Variants in SLC1A3 observed in about 807,000 individuals in gnomAD.
SLC1A3 encodes the protein solute carrier family 1 member 3, also known as excitatory amino acid transporter 1.
Under a neutral mutation model 48.1 loss-of-function variants are expected in SLC1A3, and 21 were observed. That is an observed-to-expected ratio of 0.44 (90% CI 0.31 to 0.63). The LOEUF is 0.63. SLC1A3 is among the 20% of genes least tolerant of loss of function. SLC1A3 has a pLI of 0.08. For synonymous variants in SLC1A3, 239 were observed against 251.4 expected (o/e 0.95, Z 0.47); for missense variants, 546 against 689.0 (o/e 0.79, Z 2.32).
At chr5:36,629,824 G>A (rs1029411591) in intron 3 of SLC1A3, 17 of 509,360 alleles carry the variant, frequency 3.3e-5, no homozygotes, top group South Asian at 1.6e-4. Flanking sequence ...AATCTGGTTC[G>A]CCTCACAGTG....
chr5:36,648,211 T>G (rs1296050467), intron 3 of SLC1A3, among the ~76,000 whole-genome samples: 1 of 152,078 alleles, frequency 6.6e-6, no homozygotes, highest in Non-Finnish European at 1.5e-5. Context: ...GAAAGAAAAA[T>G]TTTTAAAGAT....
upstream of SLC1A3, chr5:36,606,457 CTGCTTCTG>C (rs1301061452): frequency 1.3e-5 from 2 of 152,256 alleles, no homozygotes; most frequent in Non-Finnish European, 2.9e-5. Context: ...GCCAGCAAGC[CTGCTTCTG>C]GTGTGCCAAG....
chr5:36,653,241 A>G (rs888571734), intron 3 of SLC1A3, among the ~76,000 whole-genome samples: 3 of 152,260 alleles, frequency 2.0e-5, no homozygotes, highest in Admixed American at 6.5e-5. Context: ...GAAATGGTTC[A>G]TAACAGAATT....
At chr5:36,662,907 G>C (rs1280744057) in intron 3 of SLC1A3, among the ~76,000 whole-genome samples, 1 of 152,204 alleles carries the variant, frequency 6.6e-6, no homozygotes, top group Non-Finnish European at 1.5e-5. Flanking sequence ...ACCCGGGAGA[G>C]GCAGTCTCCA....
At chr5:36,646,683 T>TA (rs1289505729) in intron 3 of SLC1A3, among the ~76,000 whole-genome samples, 6 of 152,130 alleles carry the variant, frequency 3.9e-5, no homozygotes, top group African/African-American at 1.4e-4. Flanking sequence ...TTCATGTCTA[T>TA]AACAATAATT....
upstream of SLC1A3, among the ~76,000 whole-genome samples, chr5:36,605,432 C>T (rs1441694717): frequency 3.3e-5 from 5 of 152,118 alleles, no homozygotes. Flanking sequence ...ACATGATTCA[C>T]CATTGCTTTC....
rs752164781 is a variant in SLC1A3, at chr5:36,679,868, T to A, written c.1094+8T>A. 1 of 1,593,200 alleles carries A rather than the reference T, an allele frequency of 6.3e-7. No individual in the cohort carries two copies. The highest frequency in any genetic ancestry group is 8.6e-7 in the Non-Finnish European group (1 of 1,161,056). The stretch of plus-strand genomic sequence containing the variant: ...TCTGGGGACCTCTTCAAGGTATGTA[T>A]GTATGTGTGGAAAATGAGTCTGAAA... On this transcript the variant is annotated splice_region_variant and intron_variant, in intron 7 of 9. Transcript: ENST00000265113.
Position 36,612,795 on chromosome 5 carries a change from G to C in SLC1A3, c.181+4191G>C, listed in dbSNP as rs549948326. The C allele has an allele frequency of 5.0e-4, 230 of 456,174 alleles. 4 individuals carry two copies. Among genetic ancestry groups the C allele is most frequent in the South Asian group, 3.5e-3 (229 of 64,550 alleles). The allele number at this position is 456,174 out of a possible 1,614,324, so 28.3% of individuals were successfully genotyped here. ...TTACCACACAGCTGATGAATACTGAGTGGGATTCAAATCCACCATTCCGGC... is the reference window on the plus strand; with the variant it reads ...TTACCACACAGCTGATGAATACTGACTGGGATTCAAATCCACCATTCCGGC... On this transcript the variant is annotated intron_variant, in intron 2 of 9. Coordinates refer to ENST00000265113, the MANE Select transcript of SLC1A3 (RefSeq NM_004172.5).
At chr5:36,604,906 T>G (rs938114813), upstream of SLC1A3, among the ~76,000 whole-genome samples, 381 of 112,020 alleles carry the variant, frequency 3.4e-3, no homozygotes, top group Non-Finnish European at 5.5e-3. Context: ...AAAAAAGCGG[T>G]GGGGGGGGGG....
At chr5:36,598,616 A>G (rs1738770520) in intron 1 of SLC1A3, among the ~76,000 whole-genome samples, 1 of 152,186 alleles carries the variant, frequency 6.6e-6, no homozygotes, top group Admixed American at 6.5e-5. Context: ...TAGTTACATT[A>G]AAATAAGCAA....
chr5:36,653,874 C>G (rs748639559), intron 3 of SLC1A3, among the ~76,000 whole-genome samples: 1 of 152,204 alleles, frequency 6.6e-6, no homozygotes, highest in Non-Finnish European at 1.5e-5. Flanking sequence ...GAGAGAGCCT[C>G]GCTCTGTCGC....
At chr5:36,676,804 T>C in intron 5 of SLC1A3, 88 bp from the exon 6 acceptor site, 4 of 989,768 alleles carry the variant, frequency 4.0e-6, no homozygotes, top group Non-Finnish European at 6.0e-6. Context: ...AGAGTAACAG[T>C]AATCATTTTA....
At chr5:36,663,681 T>G (rs1358302890) in intron 3 of SLC1A3, among the ~76,000 whole-genome samples, 2 of 152,184 alleles carry the variant, frequency 1.3e-5, no homozygotes, top group Admixed American at 6.5e-5. Context: ...ACACTTGGTG[T>G]TTTCATGTAA....
intron 3 of SLC1A3, among the ~76,000 whole-genome samples, chr5:36,641,006 CAT>C (rs1740597734): frequency 6.6e-6 from 1 of 152,000 alleles, no homozygotes; most frequent in African/African-American, 2.4e-5. Flanking sequence ...CACACACACA[CAT>C]ACACACACAC....
chr5:36,615,648 A>G (rs1431375229), intron 2 of SLC1A3, among the ~76,000 whole-genome samples: 1 of 152,232 alleles, frequency 6.6e-6, no homozygotes, highest in East Asian at 1.9e-4. Context: ...GAAGAAAACC[A>G]CAGGCTTTTG....
chr5:36,627,557 A>G (rs1349865317), intron 2 of SLC1A3, among the ~76,000 whole-genome samples: 1 of 152,228 alleles, frequency 6.6e-6, no homozygotes, highest in African/African-American at 2.4e-5. Context: ...TGCTTCATAA[A>G]AGTGAAAAAT....
At chr5:36,597,880 A>G (rs767863261) in intron 1 of SLC1A3, among the ~76,000 whole-genome samples, 5 of 152,074 alleles carry the variant, frequency 3.3e-5, no homozygotes, top group Admixed American at 6.5e-5. Context: ...GAATGAATTC[A>G]TGTCTGTCCT....
At chr5:36,601,213 T>C (rs913000421) in intron 1 of SLC1A3, among the ~76,000 whole-genome samples, 1 of 152,212 alleles carries the variant, frequency 6.6e-6, no homozygotes, top group Non-Finnish European at 1.5e-5. Context: ...TTATAAAAGA[T>C]TCATGTCATC....
intron 3 of SLC1A3, among the ~76,000 whole-genome samples, chr5:36,662,491 A>G (rs1347594625): frequency 2.0e-5 from 3 of 152,156 alleles, no homozygotes; most frequent in East Asian, 3.8e-4. Context: ...TCCCCGGCCC[A>G]TGGTGGGTCC....
Sources: allele counts gnomAD v4.1 joint callset (sites outside exome capture counted in the v4.1 genomes callset), GRCh38; gene constraint gnomAD v4.1.1; transcripts MANE v1.5; gene names NCBI Gene and HGNC (gene_info 2026-07-23, HGNC 2026-07-21).